HYDIN: variants seen among roughly 807,000 people sequenced by gnomAD.
HYDIN encodes axonemal central pair apparatus protein HYDIN.
Under a neutral mutation model 403.9 loss-of-function variants are expected in HYDIN, and 132 were observed. The observed-to-expected ratio is 0.33, with a 90% confidence interval of 0.28 to 0.38. The LOEUF (loss-of-function observed/expected upper bound fraction) is 0.38, where lower values mean the gene tolerates loss of function less well. Among genes scored for constraint, HYDIN ranks in the 10% least tolerant of loss-of-function variants. The pLI is 1.00. For synonymous variants in HYDIN, 1,202 were observed against 1,891.7 expected (o/e 0.64, Z 9.46); for missense variants, 2,827 against 5,009.5 (o/e 0.56, Z 13.15).
intron 18 of HYDIN, among the ~76,000 whole-genome samples, chr16:71,035,870 G>C (rs1162577842): frequency 6.6e-6 from 1 of 152,030 alleles, no homozygotes; most frequent in Non-Finnish European, 1.5e-5. Flanking sequence ...AGAGAAGAAA[G>C]AGAAAGGAGG....
intron 23 of HYDIN, among the ~76,000 whole-genome samples, chr16:71,011,349 C>A (rs1469111890): frequency 6.6e-6 from 1 of 152,182 alleles, no homozygotes; most frequent in African/African-American, 2.4e-5. Context: ...TGGATTCTAA[C>A]CAGCCACATC....
intron 37 of HYDIN, among the ~76,000 whole-genome samples, chr16:70,964,272 T>A (rs1364872631): frequency 1.3e-5 from 2 of 149,496 alleles, no homozygotes; most frequent in East Asian, 2.0e-4. Context: ...CACCAGTTTC[T>A]ACCTTGTGTG....
chr16:71,073,309 T>G (rs1271810482), intron 13 of HYDIN, among the ~76,000 whole-genome samples: 2 of 152,166 alleles, frequency 1.3e-5, no homozygotes, highest in Admixed American at 6.5e-5. Flanking sequence ...CTGTGATGTC[T>G]CCCTTACTGT....
intron 45 of HYDIN, among the ~76,000 whole-genome samples, chr16:70,928,250 C>T (rs1369461536): frequency 2.0e-5 from 3 of 152,132 alleles, no homozygotes; most frequent in African/African-American, 7.2e-5. Context: ...ACTGCTTGAG[C>T]CCGGGAGTTT....
intron 1 of HYDIN, among the ~76,000 whole-genome samples, chr16:71,197,593 C>G (rs1244408584): frequency 6.6e-6 from 1 of 152,120 alleles, no homozygotes; most frequent in Non-Finnish European, 1.5e-5. Context: ...AGAATTATTA[C>G]AAAGTGAACA....
intron 18 of HYDIN, among the ~76,000 whole-genome samples, chr16:71,052,101 C>T (rs959298637): frequency 6.2e-4 from 95 of 152,396 alleles, no homozygotes; most frequent in Non-Finnish European, 1.8e-4. Flanking sequence ...ATTTGAGCTA[C>T]TTATTTATCA....
intron 1 of HYDIN, among the ~76,000 whole-genome samples, chr16:71,199,111 G>A (rs574074530): frequency 1.3e-5 from 2 of 152,240 alleles, no homozygotes; most frequent in African/African-American, 4.8e-5. Context: ...ACATTTGTTG[G>A]TCATTTGGAT....
intron 19 of HYDIN, among the ~76,000 whole-genome samples, chr16:71,029,181 G>A (rs941184374): frequency 1.3e-4 from 20 of 151,786 alleles, no homozygotes; most frequent in African/African-American, 4.6e-4. Flanking sequence ...TGGGCCACAC[G>A]GTCTCTGTAA....
At chr16:71,077,675 T>G (rs1313100731) in intron 13 of HYDIN, among the ~76,000 whole-genome samples, 1 of 151,960 alleles carries the variant, frequency 6.6e-6, no homozygotes, top group African/African-American at 2.4e-5. Context: ...TTTTGTTTTT[T>G]TTGTCTCTGA....
At chr16:71,132,850 G>A (rs2084766215) in intron 8 of HYDIN, 1 of 150,350 alleles carries the variant, frequency 6.7e-6, no homozygotes, top group Non-Finnish European at 1.5e-5. Flanking sequence ...AACTTCATGT[G>A]GCCTGGCTCC....
At chr16:71,214,655 T>C (rs1414463147) in intron 1 of HYDIN, among the ~76,000 whole-genome samples, 1 of 152,194 alleles carries the variant, frequency 6.6e-6, no homozygotes, top group African/African-American at 2.4e-5. Context: ...ACATATTCCT[T>C]GACCAGTGGG....
intron 35 of HYDIN, among the ~76,000 whole-genome samples, chr16:70,971,553 C>T (rs2078733603): frequency 1.3e-5 from 2 of 152,024 alleles, no homozygotes; most frequent in Non-Finnish European, 2.9e-5. Context: ...TAACCAGATG[C>T]CTAGGTTATT....
intron 3 of HYDIN, among the ~76,000 whole-genome samples, chr16:71,180,720 A>G (rs373280646): frequency 2.0e-5 from 3 of 152,116 alleles, no homozygotes; most frequent in East Asian, 1.9e-4. Context: ...CAGAAATTCA[A>G]GGTTGTTTTA....
chr16:70,901,590 T>C (rs8053826), intron 52 of HYDIN, among the ~76,000 whole-genome samples: 11 of 148,998 alleles, frequency 7.4e-5, no homozygotes, highest in Admixed American at 4.0e-4. Flanking sequence ...CTTTCTTTTT[T>C]TTTTTTTTTT....
At chr16:70,978,892 G>A (rs750079087) in intron 30 of HYDIN, 22 bp downstream of exon 30, 30 of 1,609,590 alleles carry the variant, frequency 1.9e-5, no homozygotes, top group East Asian at 1.8e-4. Context: ...CAGGCGTCCC[G>A]TGCAGGCTGG....
At chr16:70,931,145 T>C (rs2077308732) in intron 45 of HYDIN, among the ~76,000 whole-genome samples, 2 of 151,532 alleles carry the variant, frequency 1.3e-5, no homozygotes, top group Admixed American at 6.6e-5. Flanking sequence ...TGAATTTTCA[T>C]ACATGTGAGC....
intron 75 of HYDIN, among the ~76,000 whole-genome samples, chr16:70,843,029 T>A (rs2037937465): frequency 6.6e-6 from 1 of 150,946 alleles, no homozygotes; most frequent in Non-Finnish European, 1.5e-5. Context: ...ATAAATTTAT[T>A]TATTTATTTA....
At chr16:70,897,592 T>C (rs556119577) in intron 53 of HYDIN, among the ~76,000 whole-genome samples, 218 of 143,506 alleles carry the variant, frequency 1.5e-3, no homozygotes, top group African/African-American at 5.5e-3. Context: ...TGGAGCCTTC[T>C]ATTTCTCGGC....
intron 7 of HYDIN, among the ~76,000 whole-genome samples, chr16:71,148,708 T>G (rs906301992): frequency 8.8e-5 from 13 of 148,376 alleles, no homozygotes; most frequent in African/African-American, 3.4e-4. Flanking sequence ...TGTGAGAAAA[T>G]ATTCACAATA....
Sources: gnomAD v4.1 joint callset for allele counts (sites outside exome capture counted in the v4.1 genomes callset) on GRCh38, gnomAD v4.1.1 for gene constraint, MANE v1.5 for transcripts, NCBI Gene and HGNC (gene_info 2026-07-23, HGNC 2026-07-21) for gene names.